The following NAIP variants were observed in gnomAD, a reference collection of about 807,000 sequenced individuals.
NAIP encodes the protein NLR family apoptosis inhibitory protein, also known as baculoviral IAP repeat-containing protein 1.
NAIP carries 15 observed loss-of-function variants against 23.0 expected under a neutral mutation model. The observed-to-expected ratio is 0.65, with a 90% CI of 0.44 to 1.00. The LOEUF is 1.00. NAIP is among the 50% of genes least tolerant of loss of function. The pLI is 0.00. For synonymous variants in NAIP, 100 were observed against 100.2 expected (o/e 1.00, Z 0.01); for missense variants, 265 against 278.8 (o/e 0.95, Z 0.35).
intron 3 of NAIP, among the ~76,000 whole-genome samples, chr5:71,014,334 G>A (rs564584524): frequency 2.6e-5 from 4 of 151,302 alleles, no homozygotes; most frequent in Admixed American, 2.6e-4. Context: ...CTGACCTCAA[G>A]TGATCCGCCT....
In NAIP at chr5:71,012,311, C is replaced by T. The variant is rs371603774; in HGVS notation, c.568+37G>A. On this transcript the variant is annotated intron_variant, in intron 4 of 16. Transcript: ENST00000517649. ...TGAAAAATAAAACCTAAACTTAAAA[C>T]GCCAGAGAAACACTTCAGAGAATAA... 6.1e-5 allele frequency: 93 copies of T among 1,522,610 alleles called. 2 individuals are homozygous for T. The highest frequency in any genetic ancestry group is 7.5e-5 in the Non-Finnish European group (85 of 1,127,596). 94.3% of individuals were successfully genotyped at this position (1,522,610 alleles called of 1,614,324 possible).
intron 4 of NAIP, 151 bp from the exon 5 acceptor site, chr5:71,011,525 C>T (rs1751159116): frequency 1.5e-6 from 1 of 686,932 alleles, no homozygotes; most frequent in Admixed American, 2.9e-5. Context: ...TCAATCCCAC[C>T]ACCCAAAATG....
intron 3 of NAIP, 23 bp from the exon 4 acceptor site, chr5:71,012,941 T>G: frequency 6.5e-7 from 1 of 1,537,862 alleles, no homozygotes; most frequent in Non-Finnish European, 8.8e-7. Context: ...ATAAAGCAGG[T>G]TGATCCCTTA....
At chr5:70,978,109 G>GCACA (rs1216316391) in intron 13 of NAIP, among the ~76,000 whole-genome samples, 2,291 of 21,168 alleles carry the variant, frequency 0.11, 8 homozygotes, top group African/African-American at 0.18. Context: ...ATATATGTAT[G>GCACA]CACACACACA....
At chr5:71,013,624 A>T (rs918028398) in intron 3 of NAIP, among the ~76,000 whole-genome samples, 7 of 139,714 alleles carry the variant, frequency 5.0e-5, no homozygotes, top group African/African-American at 1.9e-4. Flanking sequence ...TGGGTGACAG[A>T]GCAAGACTCC....
At chr5:71,010,397 T>C (rs1309177617) in intron 5 of NAIP, among the ~76,000 whole-genome samples, 5 of 151,480 alleles carry the variant, frequency 3.3e-5, no homozygotes, top group African/African-American at 9.7e-5. Flanking sequence ...GCCTCCCAAG[T>C]AGCTGGGACT....
intron 5 of NAIP, among the ~76,000 whole-genome samples, chr5:71,008,702 G>C (rs571997247): frequency 2.1e-4 from 15 of 70,320 alleles, no homozygotes; most frequent in Admixed American, 4.4e-4. Context: ...ACCTGGGTGG[G>C]GTGAGGCAGG....
intron 4 of NAIP, 87 bp from the exon 5 acceptor site, chr5:71,011,461 AC>A (rs747782620): frequency 7.4e-5 from 83 of 1,125,878 alleles, no homozygotes; most frequent in Non-Finnish European, 1.0e-4. Flanking sequence ...CAGGAGCAAG[AC>A]AAGCTCCAGC....
chr5:71,000,455 C>T (rs1331433903), intron 8 of NAIP, among the ~76,000 whole-genome samples: 2 of 116,092 alleles, frequency 1.7e-5, no homozygotes, highest in Non-Finnish European at 3.3e-5. Context: ...TAGCTGGGCA[C>T]ATTGTCACCC....
At chr5:71,012,275 G>T (rs2112927025) in intron 4 of NAIP, 73 bp downstream of exon 4, 1 of 1,367,044 alleles carries the variant, frequency 7.3e-7, no homozygotes, top group Non-Finnish European at 1.0e-6. Context: ...GCAAAATATT[G>T]CAAAAGCAAT....
intron 5 of NAIP, among the ~76,000 whole-genome samples, chr5:71,010,470 G>A (rs535232914): frequency 1.3e-5 from 2 of 151,488 alleles, no homozygotes; most frequent in Non-Finnish European, 3.0e-5. Context: ...TGGTTTCACC[G>A]TGTTAGCCAG....
At chr5:70,997,082 ATTG>A (rs1445245946) in intron 9 of NAIP, among the ~76,000 whole-genome samples, 1 of 44,672 alleles carries the variant, frequency 2.2e-5, no homozygotes, top group African/African-American at 5.0e-5. Flanking sequence ...GTTGCACAAC[ATTG>A]TTGTTGGTGG....
At chr5:70,977,793 G>C (rs1468192483) in intron 13 of NAIP, among the ~76,000 whole-genome samples, 1 of 131,698 alleles carries the variant, frequency 7.6e-6, no homozygotes, top group Non-Finnish European at 1.7e-5. Flanking sequence ...AGGAGTTTGA[G>C]ACTGGCCTGG....
chr5:71,011,495 A>T, intron 4 of NAIP, 121 bp from the exon 5 acceptor site: 1 of 809,562 alleles, frequency 1.2e-6, no homozygotes, highest in Non-Finnish European at 2.0e-6. Flanking sequence ...TCCCGATCTC[A>T]TTGGCCTGAG....
chr5:70,979,609 A>C (rs555839981), intron 13 of NAIP, among the ~76,000 whole-genome samples: 1 of 113,842 alleles, frequency 8.8e-6, no homozygotes. Context: ...TAATAATAAT[A>C]ATAGTACTTC....
chr5:71,011,989 G>C (rs1191786361), intron 4 of NAIP, among the ~76,000 whole-genome samples: 1 of 151,686 alleles, frequency 6.6e-6, no homozygotes, highest in South Asian at 2.1e-4. Context: ...ATCAAAGAAA[G>C]ATCATGTAAG....
At chr5:71,009,374 A>AG (rs1202304068) in intron 5 of NAIP, among the ~76,000 whole-genome samples, 30 of 149,488 alleles carry the variant, frequency 2.0e-4, no homozygotes, top group African/African-American at 4.7e-4. Context: ...AAAAAAAAAA[A>AG]AAAAGAAAAG....
intron 9 of NAIP, among the ~76,000 whole-genome samples, chr5:70,996,759 C>T (rs1750689684): frequency 7.2e-6 from 1 of 138,292 alleles, no homozygotes; most frequent in Non-Finnish European, 1.6e-5. Context: ...CGCCATTACA[C>T]TCCAGCCTGG....
chr5:71,012,709 A>C lies in NAIP; in HGVS notation c.207T>G (p.Thr69=), dbSNP rs1043804313. The change falls in exon 4 of 17, where the codon ACT becomes ACG. Residue 69 remains threonine, a synonymous_variant. Coordinates refer to ENST00000517649, the MANE Select transcript of NAIP (RefSeq NM_004536.3). ...SEAKRLKTFV[T]YEPYSSWIPQ... Reference sequence around the variant, plus strand: ...GTATCCATGAGCTGTACGGCTCATAAGTCACAAAAGTCTTTAACCTTTTTG... The same window carrying C: ...GTATCCATGAGCTGTACGGCTCATACGTCACAAAAGTCTTTAACCTTTTTG... The C allele has an allele frequency of 6.2e-7, 1 of 1,611,764 alleles. No individual in the cohort carries two copies.
Sources: gnomAD v4.1 joint callset for allele counts (sites outside exome capture counted in the v4.1 genomes callset) on GRCh38, gnomAD v4.1.1 for gene constraint, MANE v1.5 for transcripts, NCBI Gene and HGNC (gene_info 2026-07-23, HGNC 2026-07-21) for gene names.